Variants in IBTK observed in about 807,000 individuals in gnomAD.
The protein encoded by IBTK is BTK-binding protein.
IBTK carries 83 observed loss-of-function variants against 154.9 expected under a neutral mutation model. The ratio of observed to expected loss-of-function variants is 0.54; its 90% CI spans 0.45 to 0.64. IBTK has a LOEUF of 0.64. Among genes scored for constraint, IBTK ranks in the 30% least tolerant of loss-of-function variants. The pLI is 0.00. For synonymous variants in IBTK, 515 were observed against 536.1 expected, an observed-to-expected ratio of 0.96 and a Z score of 0.54; for missense variants, 1,332 against 1,584.6, an observed-to-expected ratio of 0.84 and a Z score of 2.71.
At chr6:82,212,270 GCCA>G (rs1228166912) in intron 13 of IBTK, among the ~76,000 whole-genome samples, 1 of 152,136 alleles carries the variant, frequency 6.6e-6, no homozygotes, top group Non-Finnish European at 1.5e-5. Context: ...ACAGGCGTGA[GCCA>G]CCACACCAGG....
chr6:82,174,458 C>T (rs565167350), intron 26 of IBTK, among the ~76,000 whole-genome samples: 87 of 152,076 alleles, frequency 5.7e-4, no homozygotes, highest in Admixed American at 1.0e-3. Flanking sequence ...GCTGAGGAGA[C>T]GTACAATTAG....
chr6:82,236,345 A>G (rs1171095685), intron 2 of IBTK, among the ~76,000 whole-genome samples: 1 of 152,216 alleles, frequency 6.6e-6, no homozygotes, highest in Non-Finnish European at 1.5e-5. Flanking sequence ...AATACCTCAC[A>G]GACAGTATAT....
intron 27 of IBTK, chr6:82,172,750 G>T: frequency 2.4e-6 from 1 of 414,046 alleles, no homozygotes; most frequent in Non-Finnish European, 4.3e-6. Flanking sequence ...AGTGACCTAC[G>T]ATGAGCGAAC....
intron 1 of IBTK, among the ~76,000 whole-genome samples, chr6:82,243,157 C>T (rs922612405): frequency 6.7e-6 from 1 of 150,366 alleles, no homozygotes; most frequent in South Asian, 2.1e-4. Context: ...AGGAGAATGG[C>T]GTGAACCTGG....
chr6:82,225,560 C>T lies in IBTK; in HGVS notation c.742G>A (p.Gly248Arg). The T allele has an allele frequency of 1.2e-6, 2 of 1,612,344 alleles. No homozygotes were observed. The highest frequency in any genetic ancestry group is 1.7e-6 in the Non-Finnish European group (2 of 1,178,582). Reference protein sequence around the residue: ...KDHTVVLTEDGCVYTFGLNIF... With the variant: ...KDHTVVLTEDRCVYTFGLNIF... ...TTTAGACCAAATGTATAAACACATC[C>T]ATCTTCAGTTAATACAACAGTATGA... The change falls in exon 6 of 29, where the codon GGA becomes AGA. Residue 248 changes from glycine (G) to arginine (R), a missense_variant. Coordinates refer to ENST00000306270, the MANE Select transcript of IBTK (RefSeq NM_015525.4).
Position 82,194,495 on chromosome 6 carries a change from C to T in IBTK, c.3322G>A (p.Val1108Ile). 2 of 1,575,752 alleles carry T rather than the reference C, an allele frequency of 1.3e-6. No homozygotes were observed. Among genetic ancestry groups the T allele is most frequent in the Non-Finnish European group, 8.6e-7 (1 of 1,163,060 alleles). ...AAATCCTACCTGAAAGAACCAGCAACCCAACTGGCAGAGCTGGTAGTATCA... is the reference window on the plus strand; with the variant it reads ...AAATCCTACCTGAAAGAACCAGCAATCCAACTGGCAGAGCTGGTAGTATCA... The part of the protein sequence containing the change: ...RIDTTSSASW[V>I]AGSFSPVSPP... Residue 1108 changes from valine to isoleucine, a missense_variant, in exon 23 of 29, where the codon GTT becomes ATT. Transcript: ENST00000306270.
chr6:82,189,076 C>G lies in IBTK; in HGVS notation c.3575+1997G>C, dbSNP rs1211747342. 4 of 427,284 alleles carry G rather than the reference C, an allele frequency of 9.4e-6. No individual in the cohort carries two copies. The East Asian group carries it at 3.0e-4, about 33-fold the overall frequency. The allele number at this position is 427,284 out of a possible 1,614,324, so 26.5% of individuals were successfully genotyped here. On this transcript the variant is annotated intron_variant, in intron 25 of 28. Transcript: ENST00000306270. ...AGAAATTTAGAGAAGCCTAGGGGGACCAATATCTGACTAATGTGATTTGTA... is the reference window on the plus strand; with the variant it reads ...AGAAATTTAGAGAAGCCTAGGGGGAGCAATATCTGACTAATGTGATTTGTA...
At position 82,179,223 on chromosome 6, in the gene IBTK, A is replaced by G. The variant is rs115505343; in HGVS notation, c.3725+2656T>C. ...ACAGTAGACTGAATATTTGTGAAGAAAATGGAAGTGCCAAAGACACAAATT... is the reference window on the plus strand; with the variant it reads ...ACAGTAGACTGAATATTTGTGAAGAGAATGGAAGTGCCAAAGACACAAATT... On this transcript the variant is annotated intron_variant, in intron 26 of 28. Coordinates refer to ENST00000306270, the MANE Select transcript of IBTK (RefSeq NM_015525.4). Among the ~76,000 whole-genome samples the G allele has an allele frequency of 5.1e-3, 776 of 152,360 alleles. 12 individuals carry two copies. Among genetic ancestry groups the G allele is most frequent in the African/African-American group, 0.018 (733 of 41,598 alleles).
At chr6:82,205,725 C>G (rs1427403237) in intron 16 of IBTK, 1 of 152,290 alleles carries the variant, frequency 6.6e-6, no homozygotes, top group East Asian at 1.9e-4. Flanking sequence ...GAGATCACGC[C>G]ACTGCACTCC....
intron 16 of IBTK, among the ~76,000 whole-genome samples, chr6:82,206,806 T>C (rs370696872): frequency 1.3e-5 from 2 of 152,080 alleles, no homozygotes; most frequent in Non-Finnish European, 2.9e-5. Flanking sequence ...AATCAATCAA[T>C]ATAATACACA....
intron 8 of IBTK, among the ~76,000 whole-genome samples, chr6:82,222,544 G>C (rs1368920014): frequency 2.0e-5 from 3 of 151,942 alleles, no homozygotes; most frequent in African/African-American, 7.3e-5. Context: ...TGAATACTTT[G>C]GAATGGCACA....
At chr6:82,220,503 A>C in intron 9 of IBTK, 87 bp downstream of exon 9, 1 of 1,342,812 alleles carries the variant, frequency 7.4e-7, no homozygotes, top group Non-Finnish European at 1.0e-6. Flanking sequence ...AATTGTCACT[A>C]ACATAGCAAT....
At chr6:82,172,045 T>C (rs1459704590) in intron 28 of IBTK, among the ~76,000 whole-genome samples, 1 of 152,166 alleles carries the variant, frequency 6.6e-6, no homozygotes, top group Non-Finnish European at 1.5e-5. Flanking sequence ...TTGCTTACAA[T>C]CTTAGAATTC....
chr6:82,203,783 T>C (rs1208268832), intron 17 of IBTK, among the ~76,000 whole-genome samples: 1 of 152,170 alleles, frequency 6.6e-6, no homozygotes, highest in Non-Finnish European at 1.5e-5. Context: ...GTATGTCTTA[T>C]ACCTGTTGTA....
chr6:82,238,466 C>T (rs973502713), intron 2 of IBTK, among the ~76,000 whole-genome samples: 18 of 151,686 alleles, frequency 1.2e-4, no homozygotes, highest in African/African-American at 3.9e-4. Flanking sequence ...GAGATGGAGT[C>T]GTCCTCGGTT....
In IBTK at chr6:82,201,474, T is replaced by C; in HGVS notation, c.2738A>G (p.Asp913Gly). 6.2e-7 allele frequency: 1 copy of C among 1,602,998 alleles called. No homozygotes were observed. Among genetic ancestry groups the C allele is most frequent in the Non-Finnish European group, 8.5e-7 (1 of 1,172,998 alleles). Reference sequence around the variant, plus strand: ...CTTCAAAACACCATCGCTTAAAACATCAAGAGACCTAAAATATAGGATACA... The same window carrying C: ...CTTCAAAACACCATCGCTTAAAACACCAAGAGACCTAAAATATAGGATACA... Reference protein sequence around the residue: ...MAALLEARSLDVLSDGVLKDL... With the variant: ...MAALLEARSLGVLSDGVLKDL... Residue 913 changes from aspartate to glycine, a missense_variant, in exon 19 of 29, where the codon GAT becomes GGT. Physicochemically the swap from Asp to Gly is moderately conservative, Grantham distance 94. Transcript: ENST00000306270.
chr6:82,192,393 T>C (rs1225577607), intron 23 of IBTK, among the ~76,000 whole-genome samples: 1 of 152,118 alleles, frequency 6.6e-6, no homozygotes, highest in South Asian at 2.1e-4. Context: ...TACTAAATAA[T>C]ATTGGAGACC....
At chr6:82,206,968 A>G (rs1769438285) in intron 16 of IBTK, among the ~76,000 whole-genome samples, 1 of 152,180 alleles carries the variant, frequency 6.6e-6, no homozygotes, top group Admixed American at 6.6e-5. Flanking sequence ...AAAACCCACA[A>G]GTAACATCCT....
chr6:82,194,959 T>C (rs1768925331), intron 22 of IBTK, among the ~76,000 whole-genome samples: 1 of 152,188 alleles, frequency 6.6e-6, no homozygotes, highest in Non-Finnish European at 1.5e-5. Flanking sequence ...GAAGCAGTAA[T>C]TTTAAAATTA....
Sources: allele counts gnomAD v4.1 joint callset (sites outside exome capture counted in the v4.1 genomes callset), GRCh38; gene constraint gnomAD v4.1.1; transcripts MANE v1.5; gene names NCBI Gene and HGNC (gene_info 2026-07-23, HGNC 2026-07-21).